AGAP1: variants seen among roughly 807,000 people sequenced by gnomAD.
The protein encoded by AGAP1 is arf-GAP with GTPase, ANK repeat and PH domain-containing protein 1.
A neutral mutation model predicts 105.3 loss-of-function variants in AGAP1; 29 were observed. The ratio of observed to expected loss-of-function variants is 0.28; its 90% CI spans 0.21 to 0.38. AGAP1 has a LOEUF of 0.38. Among genes scored for constraint, AGAP1 ranks in the 10% least tolerant of loss-of-function variants. The probability of loss-of-function intolerance (pLI) is 1.00; values close to 1 mark genes in which losing one functional copy is unlikely to be tolerated. For synonymous variants in AGAP1, 509 were observed against 485.9 expected (o/e 1.05, Z -0.63); for missense variants, 998 against 1,165.1 (o/e 0.86, Z 2.09).
intron 9 of AGAP1, among the ~76,000 whole-genome samples, chr2:235,876,513 C>T (rs2049735590): frequency 6.6e-6 from 1 of 152,214 alleles, no homozygotes; most frequent in Non-Finnish European, 1.5e-5. Flanking sequence ...GAACGTGGAA[C>T]CTCAACGGCT....
At position 235,806,874 on chromosome 2, in the gene AGAP1, C is replaced by T. The variant is rs144447612; in HGVS notation, c.958-365C>T. 5.3e-3 allele frequency among the ~76,000 whole-genome samples: 801 copies of T among 152,282 alleles called. 8 individuals carry two copies. Among genetic ancestry groups the T allele is most frequent in the African/African-American group, 0.018 (750 of 41,554 alleles). On this transcript the variant is annotated intron_variant, in intron 8 of 17. Transcript: ENST00000304032. The stretch of plus-strand genomic sequence containing the variant: ...TGATGTAGTAGATTTTCCAAATAAA[C>T]ATTGAGCAGCCCCTTTTTTCCTCGG...
intron 1 of AGAP1, among the ~76,000 whole-genome samples, chr2:235,626,014 G>A (rs766754808): frequency 6.6e-6 from 1 of 152,096 alleles, no homozygotes; most frequent in Non-Finnish European, 1.5e-5. Context: ...GCGAAAAATT[G>A]GGAAGTGTGA....
intron 11 of AGAP1, among the ~76,000 whole-genome samples, chr2:235,915,730 T>G (rs1300992288): frequency 6.6e-6 from 1 of 152,092 alleles, no homozygotes; most frequent in Non-Finnish European, 1.5e-5. Flanking sequence ...GAATAAAGAT[T>G]GTGAAAATAA....
chr2:235,928,898 A>G (rs560258828), intron 11 of AGAP1, among the ~76,000 whole-genome samples: 2 of 152,148 alleles, frequency 1.3e-5, no homozygotes, highest in South Asian at 4.2e-4. Flanking sequence ...TGCCTGGCCC[A>G]CCTCCCCCGG....
chr2:235,992,997 T>C lies in AGAP1; in HGVS notation c.1645+24374T>C, dbSNP rs115808885. Among the ~76,000 whole-genome samples, 450 of 152,268 alleles carry C rather than the reference T, an allele frequency of 3.0e-3. 1 individual carries two copies. The highest frequency in any genetic ancestry group is 4.9e-3 in the Non-Finnish European group (333 of 68,028). On this transcript the variant is annotated intron_variant, in intron 13 of 17. Coordinates refer to ENST00000304032, the MANE Select transcript of AGAP1 (RefSeq NM_001037131.3). The surrounding 1 kb of genome is among the most constrained non-coding windows in gnomAD (Gnocchi z 4.8). ...TGACGTGTCTGCCTTTCATGAAAGA[T>C]AGTAGCAAAAGTTATTGTTATACGT...
intron 6 of AGAP1, among the ~76,000 whole-genome samples, chr2:235,755,407 A>C (rs977952276): frequency 1.9e-4 from 29 of 152,206 alleles, no homozygotes; most frequent in African/African-American, 6.8e-4. Context: ...AGTTCATTCC[A>C]TGTAGACATT....
chr2:235,849,851 T>C (rs897332031), intron 9 of AGAP1, among the ~76,000 whole-genome samples: 4 of 152,218 alleles, frequency 2.6e-5, no homozygotes, highest in African/African-American at 9.6e-5. Flanking sequence ...CCAGTGCTCC[T>C]GTCCCCATCT....
chr2:235,983,469 T>C lies in AGAP1; in HGVS notation c.1645+14846T>C, dbSNP rs1379056234. Among the ~76,000 whole-genome samples, 1 of 152,218 alleles carries C rather than the reference T, an allele frequency of 6.6e-6. No individual in the cohort carries two copies. The highest frequency in any genetic ancestry group is 2.4e-5 in the African/African-American group (1 of 41,454). ...TTGCTTCTCTTGTTTAATTTCTTTT[T>C]TCTTCTTTTCCCATCCATAACCTCA... is the stretch of plus-strand genomic sequence containing the variant. On this transcript the variant is annotated intron_variant, in intron 13 of 17. Coordinates refer to ENST00000304032, the MANE Select transcript of AGAP1 (RefSeq NM_001037131.3). The surrounding 1 kb of genome is among the most constrained non-coding windows in gnomAD (Gnocchi z 4.5).
intron 9 of AGAP1, among the ~76,000 whole-genome samples, chr2:235,814,106 T>TG (rs946391672): frequency 3.9e-5 from 6 of 152,130 alleles, no homozygotes; most frequent in African/African-American, 1.4e-4. Flanking sequence ...AGGCACAGGA[T>TG]GGGGGGAGTG....
Position 236,094,359 on chromosome 2 carries a change from AT to A in AGAP1, c.2115-25817del, listed in dbSNP as rs200607758. On this transcript the variant is annotated intron_variant, in intron 16 of 17. Coordinates refer to ENST00000304032, the MANE Select transcript of AGAP1 (RefSeq NM_001037131.3). ...TATGAAGTTGCCAAAAGAGCTGAGA[AT>A]TTTTTTTTTTTTTTTAGACAGGGTC... Among the ~76,000 whole-genome samples the A allele has an allele frequency of 6.0e-3, 849 of 142,218 alleles. 3 individuals are homozygous for A. Among genetic ancestry groups the A allele is most frequent in the African/African-American group, 6.5e-3 (252 of 38,952 alleles). The allele number at this position is 142,218 out of a possible 152,430, so 93.3% of individuals were successfully genotyped here.
chr2:235,512,016 ATGTG>A (rs557725350), intron 1 of AGAP1, among the ~76,000 whole-genome samples: 1 of 74,248 alleles, frequency 1.3e-5, no homozygotes. Flanking sequence ...GACTGTGTGA[ATGTG>A]TGAGGTGTGA....
chr2:236,120,281 A>G lies in AGAP1; in HGVS notation c.2204A>G (p.His735Arg). ...LPCTELSLGQ[H>R]LLRATADEDL... ...TGCACGGAGCTGTCCCTGGGCCAGC[A>G]CCTGCTGCGGGCCACCGCCGACGAG... Residue 735 changes from histidine to arginine, a missense_variant, in exon 17 of 18, where the codon CAC becomes CGC. By Grantham distance (29) the His-to-Arg change is conservative. Around this residue, in one of 3 missense-constraint regions of AGAP1, gnomAD observed 235 missense variants for 270.7 expected, o/e 0.87. Transcript: ENST00000304032. The surrounding 1 kb of genome is among the most constrained non-coding windows in gnomAD (Gnocchi z 6.0). The G allele has an allele frequency of 6.2e-7, 1 of 1,612,968 alleles. No individual in the cohort carries two copies. Among genetic ancestry groups the G allele is most frequent in the Non-Finnish European group, 8.5e-7 (1 of 1,179,724 alleles).
In AGAP1 at chr2:235,557,525, A is replaced by G. The variant is rs886304230; in HGVS notation, c.163+62676A>G. ...ATAAAGAGAACTTATAAAAAATGGA[A>G]AATGAGAAACGATGATGTCAGTGAA... On this transcript the variant is annotated intron_variant, in intron 1 of 17. Coordinates refer to ENST00000304032, the MANE Select transcript of AGAP1 (RefSeq NM_001037131.3). This position sits in a 1 kb window ranked among gnomAD's most constrained non-coding sequence, Gnocchi z 4.7. Among the ~76,000 whole-genome samples the G allele has an allele frequency of 3.9e-5, 6 of 152,202 alleles. No individual in the cohort carries two copies. The highest frequency in any genetic ancestry group is 5.9e-5 in the Non-Finnish European group (4 of 68,042).
intron 9 of AGAP1, among the ~76,000 whole-genome samples, chr2:235,817,739 A>C (rs1958538630): frequency 6.6e-6 from 1 of 152,132 alleles, no homozygotes; most frequent in Non-Finnish European, 1.5e-5. Context: ...AAAAAGACAA[A>C]AAGTAGCCGG....
chr2:236,069,359 A>G (rs2058437414), intron 16 of AGAP1, among the ~76,000 whole-genome samples: 1 of 152,190 alleles, frequency 6.6e-6, no homozygotes, highest in African/African-American at 2.4e-5. Flanking sequence ...TATAATGTAT[A>G]AATTTTACAT....
At chr2:235,652,617 T>C (rs1353294952) in intron 1 of AGAP1, among the ~76,000 whole-genome samples, 1 of 151,870 alleles carries the variant, frequency 6.6e-6, no homozygotes, top group East Asian at 1.9e-4. Flanking sequence ...CTAGGCCGGG[T>C]GCGGTGGCTC....
At chr2:236,102,598 A>AAAG (rs2059384036) in intron 16 of AGAP1, among the ~76,000 whole-genome samples, 2 of 135,618 alleles carry the variant, frequency 1.5e-5, no homozygotes, top group Admixed American at 1.4e-4. Context: ...AAAAAAAAAA[A>AAAG]AAAGAAAGAA....
Position 235,809,177 on chromosome 2 carries a change from T to C in AGAP1, c.1050+1846T>C, listed in dbSNP as rs77845008. Among the ~76,000 whole-genome samples the C allele has an allele frequency of 1.6e-3, 248 of 152,208 alleles. 1 individual carries two copies. The highest frequency in any genetic ancestry group is 3.4e-3 in the Middle Eastern group (1 of 294). ...CGAGCCAGGTGGGCCCCCGGTATAA[T>C]TGGAACCTTCATTCAATTTGTACCT... On this transcript the variant is annotated intron_variant, in intron 9 of 17. Coordinates refer to ENST00000304032, the MANE Select transcript of AGAP1 (RefSeq NM_001037131.3).
rs568720426 is a variant in AGAP1 at position 236,104,448 on chromosome 2, G to T, written c.2115-15744G>T. Among the ~76,000 whole-genome samples, 20 of 152,368 alleles carry T rather than the reference G, an allele frequency of 1.3e-4. No homozygotes were observed. The South Asian group carries it at 3.5e-3, about 27-fold the overall frequency. On this transcript the variant is annotated intron_variant, in intron 16 of 17. Coordinates refer to ENST00000304032, the MANE Select transcript of AGAP1 (RefSeq NM_001037131.3). This position sits in a 1 kb window ranked among gnomAD's most constrained non-coding sequence, Gnocchi z 4.7. ...AGGGGTGGATCCTGCCCCTCGACCA[G>T]CACCTGTGCTGTCTGCCCCTCACAA... is the stretch of plus-strand genomic sequence containing the variant.
Sources: allele counts gnomAD v4.1 joint callset (sites outside exome capture counted in the v4.1 genomes callset), GRCh38; gene constraint gnomAD v4.1.1; regional missense constraint gnomAD v4.1.1; non-coding constraint Gnocchi (gnomAD v3.1); transcripts MANE v1.5; gene names NCBI Gene and HGNC (gene_info 2026-07-23, HGNC 2026-07-21).